The following CTNNA3 variants were observed in gnomAD, a reference collection of about 807,000 sequenced individuals.
CTNNA3 encodes catenin alpha 3, also known as catenin alpha-3.
In CTNNA3, 76 loss-of-function variants were observed where a neutral mutation model predicts 95.7. The observed-to-expected ratio is 0.79, with a 90% CI of 0.66 to 0.96. The LOEUF is 0.96. Ranked by LOEUF, CTNNA3 falls within the 40% of genes least tolerant of loss-of-function variation. CTNNA3 has a pLI of 0.00. For synonymous variants in CTNNA3, 431 were observed against 374.4 expected, an observed-to-expected ratio of 1.15 and a Z score of -1.74; for missense variants, 1,191 against 1,089.8, an observed-to-expected ratio of 1.09 and a Z score of -1.31.
At position 67,483,136 on chromosome 10, in the gene CTNNA3, T is replaced by A. The variant is rs546135202; in HGVS notation, c.579+38706A>T. 8.1e-4 allele frequency among the ~76,000 whole-genome samples: 123 copies of A among 151,776 alleles called. 1 individual carries two copies. Among genetic ancestry groups the A allele is most frequent in the African/African-American group, 2.9e-3 (120 of 41,212 alleles). On this transcript the variant is annotated intron_variant, in intron 5 of 17. Coordinates refer to ENST00000433211, the MANE Select transcript of CTNNA3 (RefSeq NM_013266.4). ...GACACAACAGGTGCTGGAGAGGATG[T>A]GGAGAAATAGGAACACTTTTACACT...
intron 12 of CTNNA3, among the ~76,000 whole-genome samples, chr10:66,293,013 GAAGAAATCATTTC>G (rs1178443791): frequency 1.6e-4 from 24 of 151,990 alleles, no homozygotes; most frequent in African/African-American, 5.6e-4. Flanking sequence ...TTTACTGCAG[GAAGAAATCATTTC>G]AATAGATATT....
intron 12 of CTNNA3, among the ~76,000 whole-genome samples, chr10:66,286,220 C>T (rs771517433): frequency 1.4e-4 from 22 of 151,996 alleles, no homozygotes; most frequent in Non-Finnish European, 2.9e-4. Context: ...ATCAACAATG[C>T]CTAAATATTC....
At chr10:67,510,837 T>C (rs1839602577) in intron 5 of CTNNA3, among the ~76,000 whole-genome samples, 1 of 152,200 alleles carries the variant, frequency 6.6e-6, no homozygotes, top group South Asian at 2.1e-4. Flanking sequence ...CATGGAATGT[T>C]CTTCCATTTG....
intron 11 of CTNNA3, among the ~76,000 whole-genome samples, chr10:66,380,617 C>A (rs1340404314): frequency 2.4e-4 from 27 of 114,798 alleles, no homozygotes; most frequent in African/African-American, 1.0e-3. Flanking sequence ...ATCTATCTAT[C>A]TATCTATCTA....
At chr10:66,457,641 A>T (rs1333459584) in intron 11 of CTNNA3, among the ~76,000 whole-genome samples, 1 of 148,106 alleles carries the variant, frequency 6.8e-6, no homozygotes, top group Non-Finnish European at 1.5e-5. Flanking sequence ...TTGACTGGTT[A>T]AAAAAAAAAG....
At chr10:67,588,227 T>TG (rs766118268) in intron 3 of CTNNA3, among the ~76,000 whole-genome samples, 61,234 of 151,868 alleles carry the variant, frequency 0.4, 15,884 homozygotes, top group African/African-American at 0.71. Flanking sequence ...AAGATCTATC[T>TG]TATTATTAAT....
chr10:67,313,497 C>T (rs1328920749), intron 5 of CTNNA3, among the ~76,000 whole-genome samples: 1 of 151,954 alleles, frequency 6.6e-6, no homozygotes, highest in African/African-American at 2.4e-5. Context: ...GGGCAAATCA[C>T]TGAAGTATAC....
chr10:66,306,466 A>G (rs1693959026), intron 12 of CTNNA3, among the ~76,000 whole-genome samples: 1 of 152,178 alleles, frequency 6.6e-6, no homozygotes, highest in Non-Finnish European at 1.5e-5. Flanking sequence ...ATGCTATAGC[A>G]CAGAAGGGCT....
chr10:66,561,907 G>A (rs924469006), intron 10 of CTNNA3, among the ~76,000 whole-genome samples: 2 of 152,006 alleles, frequency 1.3e-5, no homozygotes, highest in African/African-American at 4.8e-5. Context: ...TAGTCAGGTT[G>A]GCAATATACA....
At chr10:67,555,885 G>A (rs1479923423) in intron 3 of CTNNA3, among the ~76,000 whole-genome samples, 1 of 152,200 alleles carries the variant, frequency 6.6e-6, no homozygotes. Context: ...GATATTGGCT[G>A]TGGGTTTTCA....
At chr10:65,972,624 A>T (rs556961728) in intron 16 of CTNNA3, among the ~76,000 whole-genome samples, 42 of 152,242 alleles carry the variant, frequency 2.8e-4, no homozygotes, top group Non-Finnish European at 5.6e-4. Context: ...ACACCTAGGC[A>T]TGCATCTAAC....
At chr10:66,472,693 C>A (rs571891404) in intron 11 of CTNNA3, among the ~76,000 whole-genome samples, 2 of 151,860 alleles carry the variant, frequency 1.3e-5, no homozygotes, top group Non-Finnish European at 2.9e-5. Flanking sequence ...AAAAGTCTAG[C>A]GTTTCAGAGA....
chr10:66,772,783 AG>A (rs762966914), intron 8 of CTNNA3, among the ~76,000 whole-genome samples: 4 of 152,176 alleles, frequency 2.6e-5, no homozygotes, highest in Non-Finnish European at 4.4e-5. Context: ...TCTGAACTGA[AG>A]CTGAAATGTT....
At chr10:65,993,897 G>A (rs1022070913) in intron 15 of CTNNA3, among the ~76,000 whole-genome samples, 1 of 151,986 alleles carries the variant, frequency 6.6e-6, no homozygotes. Context: ...CACCATGCCT[G>A]GTTCATTTTC....
chr10:65,964,998 C>T (rs1043489402), intron 17 of CTNNA3, among the ~76,000 whole-genome samples: 1 of 152,134 alleles, frequency 6.6e-6, no homozygotes, highest in African/African-American at 2.4e-5. Context: ...AAACAAAATG[C>T]ATTTTTCTCT....
chr10:66,478,299 C>T (rs1839395770), intron 11 of CTNNA3, among the ~76,000 whole-genome samples: 1 of 151,994 alleles, frequency 6.6e-6, no homozygotes, highest in Non-Finnish European at 1.5e-5. Flanking sequence ...TATATCTTTA[C>T]ACTGACAATG....
intron 7 of CTNNA3, among the ~76,000 whole-genome samples, chr10:67,068,917 G>A (rs554058233): frequency 6.6e-6 from 1 of 152,064 alleles, no homozygotes; most frequent in Admixed American, 6.6e-5. Flanking sequence ...GAAATTAGCT[G>A]GGCCTGGTGG....
At chr10:66,520,860 C>G (rs1435203948) in intron 10 of CTNNA3, 87 bp from the exon 11 acceptor site, 57 of 793,066 alleles carry the variant, frequency 7.2e-5, no homozygotes, top group Non-Finnish European at 4.0e-6. Context: ...CACACTTCAC[C>G]ACTATGCAAT....
chr10:67,128,543 A>G lies in CTNNA3; in HGVS notation c.1047+51774T>C, dbSNP rs570386388. Reference sequence around the variant, plus strand: ...ACAAGCACTTTGCAGGCTGCACTATACAGAGCTACTTGGGTAGAAATATTT... The same window carrying G: ...ACAAGCACTTTGCAGGCTGCACTATGCAGAGCTACTTGGGTAGAAATATTT... On this transcript the variant is annotated intron_variant, in intron 7 of 17. Transcript: ENST00000433211. Among the ~76,000 whole-genome samples the G allele has an allele frequency of 2.6e-5, 4 of 152,248 alleles. No homozygotes were observed. The East Asian group carries it at 5.8e-4, about 22-fold the overall frequency.
Sources: gnomAD v4.1 joint callset for allele counts (sites outside exome capture counted in the v4.1 genomes callset) on GRCh38, gnomAD v4.1.1 for gene constraint, MANE v1.5 for transcripts, NCBI Gene and HGNC (gene_info 2026-07-23, HGNC 2026-07-21) for gene names.